WWTR1: variants seen among roughly 807,000 people sequenced by gnomAD.
WWTR1 encodes WW domain-containing transcription regulator protein 1.
Under a neutral mutation model 40.1 loss-of-function variants are expected in WWTR1, and 13 were observed. That is an observed-to-expected ratio of 0.32 (90% CI 0.21 to 0.52). WWTR1 has a LOEUF of 0.52. WWTR1 is among the 20% of genes least tolerant of loss of function. The pLI is 0.97. For missense variants in WWTR1, 436 were observed against 523.1 expected (o/e 0.83, Z 1.63); for synonymous variants, 230 against 210.1 (o/e 1.09, Z -0.82).
intron 2 of WWTR1, among the ~76,000 whole-genome samples, chr3:149,601,871 T>C (rs1183434623): frequency 6.6e-6 from 1 of 152,136 alleles, no homozygotes; most frequent in Non-Finnish European, 1.5e-5. Context: ...AATCATATGG[T>C]ACAGAGGGAG....
chr3:149,611,280 G>T (rs1029375052), intron 2 of WWTR1, among the ~76,000 whole-genome samples: 7 of 152,246 alleles, frequency 4.6e-5, no homozygotes, highest in Non-Finnish European at 7.4e-5. Context: ...CCATGCCAGG[G>T]GTCAGCTAAC....
At chr3:149,722,412 C>T in intron 4 of WWTR1, among the ~76,000 whole-genome samples, 1 of 150,286 alleles carries the variant, frequency 6.7e-6, no homozygotes, top group South Asian at 2.1e-4. Context: ...ATAAATATTC[C>T]CCTTTGCATT....
intron 2 of WWTR1, among the ~76,000 whole-genome samples, chr3:149,651,643 A>G (rs957232821): frequency 2.6e-5 from 4 of 152,224 alleles, no homozygotes; most frequent in Admixed American, 2.6e-4. Context: ...CACAAATTTA[A>G]ACAACTGATG....
chr3:149,611,814 T>C (rs1234611367), intron 2 of WWTR1, among the ~76,000 whole-genome samples: 1 of 152,210 alleles, frequency 6.6e-6, no homozygotes, highest in Non-Finnish European at 1.5e-5. Flanking sequence ...TTCTCTAGCT[T>C]CCTTCACATT....
At chr3:149,528,476 T>A (rs1735431407) in intron 4 of WWTR1, among the ~76,000 whole-genome samples, 1 of 152,036 alleles carries the variant, frequency 6.6e-6, no homozygotes, top group Non-Finnish European at 1.5e-5. Context: ...AGCAAAACAA[T>A]GAGTTGAAAG....
chr3:149,636,259 A>G (rs1045487018), intron 2 of WWTR1, among the ~76,000 whole-genome samples: 1 of 152,198 alleles, frequency 6.6e-6, no homozygotes, highest in African/African-American at 2.4e-5. Flanking sequence ...AATCCACTTA[A>G]TTAGTTTTGT....
chr3:149,718,830 ATT>A (rs35647871), intron 4 of WWTR1, among the ~76,000 whole-genome samples: 1 of 148,850 alleles, frequency 6.7e-6, no homozygotes, highest in African/African-American at 2.5e-5. Context: ...CTTCTTCTTC[ATT>A]TTTTTTTTCT....
intron 1 of WWTR1, among the ~76,000 whole-genome samples, chr3:149,683,734 C>T (rs1714536616): frequency 6.6e-6 from 1 of 152,006 alleles, no homozygotes; most frequent in African/African-American, 2.4e-5. Context: ...TAGATTTAGA[C>T]AAGAGCCAGG....
chr3:149,631,996 A>G lies in WWTR1; in HGVS notation c.431+24880T>C, dbSNP rs537743138. Among the ~76,000 whole-genome samples, 5 of 152,192 alleles carry G rather than the reference A, an allele frequency of 3.3e-5. No individual in the cohort carries two copies. In the South Asian group the frequency reaches 8.3e-4, roughly 25 times the overall value. ...AGTACAGCGGCTCACTGCAGCCTCA[A>G]CTTCCCAGGCTCAAGTGATCCTCCC... On this transcript the variant is annotated intron_variant, in intron 2 of 6. Coordinates refer to ENST00000360632, the MANE Select transcript of WWTR1 (RefSeq NM_015472.6).
At chr3:149,645,096 T>G (rs1345203552) in intron 2 of WWTR1, among the ~76,000 whole-genome samples, 1 of 151,582 alleles carries the variant, frequency 6.6e-6, no homozygotes, top group Non-Finnish European at 1.5e-5. Context: ...TTTTTTTTTT[T>G]TGAGACGGAG....
chr3:149,594,950 C>CCTTTTTTTTTTTTT (rs1738915943), intron 2 of WWTR1, among the ~76,000 whole-genome samples: 1 of 61,772 alleles, frequency 1.6e-5, no homozygotes, highest in African/African-American at 5.5e-5. Context: ...CTCTTTTTTA[C>CCTTTTTTTTTTTTT]TTTTTTTTTT....
At chr3:149,569,267 G>A (rs1441545989) in intron 3 of WWTR1, among the ~76,000 whole-genome samples, 1 of 152,076 alleles carries the variant, frequency 6.6e-6, no homozygotes, top group East Asian at 1.9e-4. Context: ...CAGTTAAATT[G>A]TCTTAAAATA....
intron 3 of WWTR1, among the ~76,000 whole-genome samples, chr3:149,549,838 C>T (rs1736535701): frequency 6.6e-6 from 1 of 150,422 alleles, no homozygotes; most frequent in Non-Finnish European, 1.5e-5. Flanking sequence ...AACCTTGTCT[C>T]AAAAAAACAA....
At chr3:149,621,442 G>A (rs1216475666) in intron 2 of WWTR1, among the ~76,000 whole-genome samples, 3 of 152,052 alleles carry the variant, frequency 2.0e-5, no homozygotes, top group Non-Finnish European at 2.9e-5. Context: ...ATAAGGCCCC[G>A]AGAGCAAGAG....
At chr3:149,594,056 T>A (rs920316775) in intron 2 of WWTR1, among the ~76,000 whole-genome samples, 23 of 152,196 alleles carry the variant, frequency 1.5e-4, no homozygotes, top group African/African-American at 5.3e-4. Flanking sequence ...TGTGTTCAAT[T>A]TGTGCAAATT....
intron 1 of WWTR1, among the ~76,000 whole-genome samples, chr3:149,684,784 G>A (rs1045535578): frequency 2.6e-5 from 4 of 152,006 alleles, no homozygotes; most frequent in African/African-American, 9.6e-5. Flanking sequence ...GGCTGCTTTC[G>A]AACTCCTGGG....
intron 4 of WWTR1, among the ~76,000 whole-genome samples, chr3:149,533,855 A>C (rs993993503): frequency 3.9e-5 from 6 of 151,972 alleles, no homozygotes; most frequent in Admixed American, 2.6e-4. Flanking sequence ...GACGCAGTTA[A>C]CAGAACAAGC....
chr3:149,611,067 T>G (rs991383357), intron 2 of WWTR1, among the ~76,000 whole-genome samples: 4 of 152,052 alleles, frequency 2.6e-5, no homozygotes, highest in East Asian at 1.9e-4. Flanking sequence ...GGTGGGAAGA[T>G]AGATTGACCC....
intron 2 of WWTR1, among the ~76,000 whole-genome samples, chr3:149,645,682 T>G (rs533787109): frequency 2.5e-4 from 38 of 152,246 alleles, no homozygotes; most frequent in Non-Finnish European, 4.3e-4. Context: ...TCAACTATGA[T>G]AGGTGCCCAG....
Sources: gnomAD v4.1 joint callset for allele counts (sites outside exome capture counted in the v4.1 genomes callset) on GRCh38, gnomAD v4.1.1 for gene constraint, MANE v1.5 for transcripts, NCBI Gene and HGNC (gene_info 2026-07-23, HGNC 2026-07-21) for gene names.